Variants in ARHGAP35 observed in about 807,000 individuals in gnomAD.
ARHGAP35 encodes the protein rho GTPase-activating protein 35.
Under a neutral mutation model 111.1 loss-of-function variants are expected in ARHGAP35, and 15 were observed. That is an observed-to-expected ratio of 0.13 (90% CI 0.09 to 0.21). The LOEUF is 0.21. Ranked by LOEUF, ARHGAP35 falls within the 10% of genes least tolerant of loss-of-function variation. The pLI is 1.00. For synonymous variants in ARHGAP35, 643 were observed against 710.3 expected, an observed-to-expected ratio of 0.91 and a Z score of 1.51; for missense variants, 1,262 against 1,873.0, an observed-to-expected ratio of 0.67 and a Z score of 6.02.
chr19:46,876,693 A>C (rs377342576), intron 1 of ARHGAP35, among the ~76,000 whole-genome samples: 69 of 152,008 alleles, frequency 4.5e-4, no homozygotes, highest in African/African-American at 1.6e-3. Context: ...TTTTTCATAG[A>C]GACGGGGACT....
chr19:46,875,540 A>G (rs2055913962), intron 1 of ARHGAP35, among the ~76,000 whole-genome samples: 1 of 152,082 alleles, frequency 6.6e-6, no homozygotes. Context: ...GTTAGTTTTC[A>G]TTTGCATCTT....
intron 1 of ARHGAP35, among the ~76,000 whole-genome samples, chr19:46,867,372 C>T (rs1296484029): frequency 6.6e-6 from 1 of 152,192 alleles, no homozygotes; most frequent in Non-Finnish European, 1.5e-5. Context: ...TGCCCTCGTC[C>T]TGGCCACTGT....
intron 3 of ARHGAP35, among the ~76,000 whole-genome samples, chr19:46,973,404 G>T (rs569518651): frequency 1.4e-4 from 22 of 151,926 alleles, no homozygotes; most frequent in African/African-American, 5.1e-4. Context: ...AAAATTGGCC[G>T]GGCGCAGTGG....
chr19:46,999,438 T>C lies in ARHGAP35; in HGVS notation c.4142+29T>C. The C allele has an allele frequency of 6.9e-7, 1 of 1,450,766 alleles. No individual in the cohort carries two copies. The highest frequency in any genetic ancestry group is 9.5e-7 in the Non-Finnish European group (1 of 1,054,528). The allele number at this position is 1,450,766 out of a possible 1,614,324, so 89.9% of individuals were successfully genotyped here. A position where few individuals can be genotyped will look rare whatever the true frequency, so the allele number is the denominator to read the frequency against. The stretch of plus-strand genomic sequence containing the variant: ...AGTCGCAGGGCCTTCTGGTTGGTTT[T>C]TCCTCCTGAAAATTGACAGCCAGGG... On this transcript the variant is annotated intron_variant, in intron 6 of 6. Transcript: ENST00000672722. This position sits in a 1 kb window ranked among gnomAD's most constrained non-coding sequence, Gnocchi z 5.4.
intron 1 of ARHGAP35, among the ~76,000 whole-genome samples, chr19:46,896,810 A>G (rs16980760): frequency 0.04 from 6,133 of 152,278 alleles, 188 homozygotes; most frequent in East Asian, 0.16. Flanking sequence ...ATTGTAGGGC[A>G]TGATTTCCTA....
intron 1 of ARHGAP35, among the ~76,000 whole-genome samples, chr19:46,866,735 TG>T (rs1337744265): frequency 6.6e-6 from 1 of 152,220 alleles, no homozygotes; most frequent in African/African-American, 2.4e-5. Context: ...TAAAATGAAC[TG>T]GATTACCTTT....
At chr19:46,982,604 C>T (rs1283411213) in intron 3 of ARHGAP35, among the ~76,000 whole-genome samples, 2 of 152,064 alleles carry the variant, frequency 1.3e-5, no homozygotes, top group African/African-American at 4.8e-5. Flanking sequence ...GTATATTACC[C>T]CTGATTTTAT....
In ARHGAP35 at chr19:47,003,918, G is replaced by GCA. The variant is rs35048370; in HGVS notation, c.*3261_*3262dup. The GCA allele has an allele frequency of 0.11, 11,957 of 104,198 alleles. 810 individuals carry two copies. The highest frequency in any genetic ancestry group is 0.35 in the South Asian group (1,132 of 3,264). 6.5% of individuals were successfully genotyped at this position (104,198 alleles called of 1,614,324 possible). A position where few individuals can be genotyped will look rare whatever the true frequency, so the allele number is the denominator to read the frequency against. The stretch of plus-strand genomic sequence containing the variant: ...GCAGGCCACCAGGCATTCTGGACAC[G>GCA]CACACACACACACACACACACACAC... On this transcript the variant is annotated 3_prime_UTR_variant, in exon 7 of 7. Transcript: ENST00000672722.
At chr19:46,878,850 G>T (rs763322052) in intron 1 of ARHGAP35, among the ~76,000 whole-genome samples, 27 of 152,154 alleles carry the variant, frequency 1.8e-4, no homozygotes, top group Non-Finnish European at 3.5e-4. Context: ...GGAGGGTCCT[G>T]CCTTGATGCT....
intron 1 of ARHGAP35, among the ~76,000 whole-genome samples, chr19:46,871,298 G>A (rs1359388759): frequency 6.6e-6 from 1 of 152,156 alleles, no homozygotes; most frequent in Non-Finnish European, 1.5e-5. Flanking sequence ...TTGCTATCAG[G>A]CCTGCAAACA....
At chr19:46,976,601 C>T (rs897355972) in intron 3 of ARHGAP35, among the ~76,000 whole-genome samples, 4 of 152,284 alleles carry the variant, frequency 2.6e-5, no homozygotes, top group African/African-American at 7.2e-5. Context: ...CGGCTGCACT[C>T]GCCTTCTCCA....
intron 1 of ARHGAP35, among the ~76,000 whole-genome samples, chr19:46,903,221 C>G (rs1568463724): frequency 6.6e-6 from 1 of 152,198 alleles, no homozygotes; most frequent in Non-Finnish European, 1.5e-5. Flanking sequence ...CCCAAACCCT[C>G]TCTTCATTCT....
chr19:46,987,843 CA>C (rs1599867759), intron 3 of ARHGAP35, 145 bp from the exon 4 acceptor site: 2 of 645,026 alleles, frequency 3.1e-6, no homozygotes, highest in South Asian at 4.1e-5. Context: ...CTAGAAAAAT[CA>C]AACGAGAGTG....
intron 1 of ARHGAP35, among the ~76,000 whole-genome samples, chr19:46,905,565 C>CA (rs1187765693): frequency 3.4e-5 from 5 of 147,822 alleles, no homozygotes; most frequent in African/African-American, 1.3e-4. Context: ...ACCCCCCCCC[C>CA]CCAAGACAGA....
Position 46,921,530 on chromosome 19 carries a change from A to G in ARHGAP35, c.2855A>G (p.His952Arg), listed in dbSNP as rs1011708686. 1 of 1,614,046 alleles carries G rather than the reference A, an allele frequency of 6.2e-7. No homozygotes were observed. Among genetic ancestry groups the G allele is most frequent in the Non-Finnish European group, 8.5e-7 (1 of 1,179,912 alleles). ...VEKKNIIEAT[H>R]MYDNAAEACS... ...AAAAAGAACATAATCGAGGCTACTC[A>G]TATGTACGATAATGCTGCCGAGGCC... Residue 952 changes from histidine (H) to arginine (R), a missense_variant, in exon 2 of 7, where the codon CAT becomes CGT. Physicochemically the swap from His to Arg is conservative, Grantham distance 29 (BLOSUM62 0). Coordinates refer to ENST00000672722, the MANE Select transcript of ARHGAP35 (RefSeq NM_004491.5). This position sits in a 1 kb window ranked among gnomAD's most constrained non-coding sequence, Gnocchi z 4.3.
At chr19:46,914,126 T>C (rs2122185546) in intron 1 of ARHGAP35, among the ~76,000 whole-genome samples, 1 of 152,326 alleles carries the variant, frequency 6.6e-6, no homozygotes, top group South Asian at 2.1e-4. Context: ...TTCAGTCCAA[T>C]TGAGGAACTA....
At position 47,001,420 on chromosome 19, in the gene ARHGAP35, C is replaced by T; in HGVS notation, c.*732C>T. 7 of 1,279,694 alleles carry T rather than the reference C, an allele frequency of 5.5e-6. No individual in the cohort carries two copies. Among genetic ancestry groups the T allele is most frequent in the Non-Finnish European group, 7.1e-6 (7 of 980,098 alleles). 79.3% of individuals were successfully genotyped at this position (1,279,694 alleles called of 1,614,324 possible). A position where few individuals can be genotyped will look rare whatever the true frequency, so the allele number is the denominator to read the frequency against. ...CTTCCAGTAATTAAAAAGGAAGAAA[C>T]CACAGAAAGAAAACTACAGACCTCA... On this transcript the variant is annotated 3_prime_UTR_variant, in exon 7 of 7. Transcript: ENST00000672722. This position sits in a 1 kb window ranked among gnomAD's most constrained non-coding sequence, Gnocchi z 5.4.
At chr19:46,960,087 G>A (rs576019317) in intron 3 of ARHGAP35, among the ~76,000 whole-genome samples, 22 of 146,386 alleles carry the variant, frequency 1.5e-4, no homozygotes, top group African/African-American at 5.6e-4. Flanking sequence ...TCCAGCCTGG[G>A]CAACAGAGCA....
intron 3 of ARHGAP35, among the ~76,000 whole-genome samples, chr19:46,940,127 T>G (rs1468714254): frequency 6.6e-6 from 1 of 151,808 alleles, no homozygotes; most frequent in East Asian, 1.9e-4. Context: ...TTCCAGTACT[T>G]TGAGAGGCTG....
Sources: allele counts gnomAD v4.1 joint callset (sites outside exome capture counted in the v4.1 genomes callset), GRCh38; gene constraint gnomAD v4.1.1; non-coding constraint Gnocchi (gnomAD v3.1); transcripts MANE v1.5; gene names NCBI Gene and HGNC (gene_info 2026-07-23, HGNC 2026-07-21).